The following ABCC4 variants were observed in gnomAD, a reference collection of about 807,000 sequenced individuals.
ABCC4 encodes the protein ATP binding cassette subfamily C member 4 (PEL blood group).
In ABCC4, 102 loss-of-function variants were observed where a neutral mutation model predicts 168.5. That is an observed-to-expected ratio of 0.61 (90% CI 0.52 to 0.71). ABCC4 has a LOEUF of 0.71. Among genes scored for constraint, ABCC4 ranks in the 30% least tolerant of loss-of-function variants. The pLI is 0.00. For missense variants in ABCC4, 1,402 were observed against 1,605.8 expected (o/e 0.87, Z 2.17); for synonymous variants, 617 against 590.7 (o/e 1.04, Z -0.65).
At chr13:95,251,429 CTCTT>C (rs2040257185) in intron 1 of ABCC4, among the ~76,000 whole-genome samples, 1 of 152,166 alleles carries the variant, frequency 6.6e-6, no homozygotes, top group African/African-American at 2.4e-5. Context: ...AGATTGTTCT[CTCTT>C]TAATGGACAA....
At chr13:95,058,070 G>A (rs758582482) in intron 26 of ABCC4, among the ~76,000 whole-genome samples, 7 of 152,274 alleles carry the variant, frequency 4.6e-5, no homozygotes, top group Non-Finnish European at 8.8e-5. Context: ...ACTAGCCCAC[G>A]ACACATAAGT....
intron 20 of ABCC4, among the ~76,000 whole-genome samples, chr13:95,106,770 A>C (rs2035021040): frequency 6.5e-5 from 1 of 15,492 alleles, no homozygotes; most frequent in Admixed American, 6.2e-4. Context: ...TTGTGAAATC[A>C]TGGCTGTTTG....
intron 4 of ABCC4, among the ~76,000 whole-genome samples, chr13:95,233,611 C>T (rs2039684541): frequency 6.6e-6 from 1 of 151,766 alleles, no homozygotes; most frequent in Non-Finnish European, 1.5e-5. Flanking sequence ...CACAATACAC[C>T]CATGGAAAAA....
chr13:95,115,131 T>C (rs1156413028), intron 20 of ABCC4, among the ~76,000 whole-genome samples: 6 of 151,648 alleles, frequency 4.0e-5, no homozygotes, highest in South Asian at 2.1e-4. Context: ...AATTAAACAA[T>C]AGGAAAAAAT....
chr13:95,132,266 A>C (rs1023202396), intron 19 of ABCC4, among the ~76,000 whole-genome samples: 8 of 152,026 alleles, frequency 5.3e-5, no homozygotes, highest in Non-Finnish European at 1.0e-4. Context: ...CCAAGACTGG[A>C]GTGTAGTGGC....
At chr13:95,153,469 G>C (rs1460030021) in intron 19 of ABCC4, among the ~76,000 whole-genome samples, 1 of 152,030 alleles carries the variant, frequency 6.6e-6, no homozygotes, top group Non-Finnish European at 1.5e-5. Flanking sequence ...TATCGAGAGA[G>C]ACAGAGAGAG....
At chr13:95,285,418 C>T (rs562928877) in intron 1 of ABCC4, among the ~76,000 whole-genome samples, 6 of 152,010 alleles carry the variant, frequency 3.9e-5, no homozygotes, top group African/African-American at 1.4e-4. Flanking sequence ...GGCATGGTGG[C>T]GGGTGCCTGT....
chr13:95,082,507 GA>G (rs1387535774), intron 21 of ABCC4, among the ~76,000 whole-genome samples: 1 of 152,150 alleles, frequency 6.6e-6, no homozygotes, highest in Non-Finnish European at 1.5e-5. Flanking sequence ...TAAACAGCCT[GA>G]GGGGGAAAAA....
intron 1 of ABCC4, among the ~76,000 whole-genome samples, chr13:95,273,394 C>T (rs2040891103): frequency 6.6e-6 from 1 of 152,170 alleles, no homozygotes; most frequent in Non-Finnish European, 1.5e-5. Flanking sequence ...TAGGCCATGG[C>T]TTCCTTTCTT....
rs1566384831 is a variant in ABCC4 at position 95,064,287 on chromosome 13, TATATATATATACAC to T, written c.3211-1442_3211-1429del. On this transcript the variant is annotated intron_variant, in intron 25 of 30. Coordinates refer to ENST00000645237, the MANE Select transcript of ABCC4 (RefSeq NM_005845.5). ...ATATATATATATATATATATATATATATATATATATACACACACACACACCAATTGAATTTCTGA... is the reference window on the plus strand; with the variant it reads ...ATATATATATATATATATATATATATACACACACACCAATTGAATTTCTGA... Among the ~76,000 whole-genome samples the T allele has an allele frequency of 2.0e-4, 25 of 122,340 alleles. 1 individual carries two copies. The East Asian group carries it at 5.7e-3, about 28-fold the overall frequency. 80.3% of individuals were successfully genotyped at this position (122,340 alleles called of 152,430 possible).
At chr13:95,228,193 C>T (rs1221416382) in intron 4 of ABCC4, among the ~76,000 whole-genome samples, 3 of 152,152 alleles carry the variant, frequency 2.0e-5, no homozygotes, top group Non-Finnish European at 4.4e-5. Context: ...TGAGAAAACC[C>T]AGAGGGAGAC....
chr13:95,260,886 G>A (rs1017341774), intron 1 of ABCC4, among the ~76,000 whole-genome samples: 1 of 151,410 alleles, frequency 6.6e-6, no homozygotes, highest in Admixed American at 6.6e-5. Flanking sequence ...TTTTATTCAA[G>A]CAAACTAGAT....
At chr13:95,179,353 G>C (rs1472092861) in intron 11 of ABCC4, among the ~76,000 whole-genome samples, 1 of 152,192 alleles carries the variant, frequency 6.6e-6, no homozygotes, top group African/African-American at 2.4e-5. Flanking sequence ...AAAGGGAAAG[G>C]AGCAGAGTGC....
intron 29 of ABCC4, among the ~76,000 whole-genome samples, chr13:95,040,289 T>G (rs961345134): frequency 6.6e-6 from 1 of 152,216 alleles, no homozygotes; most frequent in African/African-American, 2.4e-5. Context: ...TGGAGTGCAG[T>G]GGCGCGATCT....
intron 26 of ABCC4, among the ~76,000 whole-genome samples, 170 bp from the exon 27 acceptor site, chr13:95,053,354 C>A (rs2032920183): frequency 6.6e-6 from 1 of 152,188 alleles, no homozygotes; most frequent in Non-Finnish European, 1.5e-5. Context: ...TTCCACTGTA[C>A]AAAGCGTGCT....
chr13:95,262,933 C>G (rs987412398), intron 1 of ABCC4, among the ~76,000 whole-genome samples: 4 of 152,202 alleles, frequency 2.6e-5, no homozygotes, highest in Non-Finnish European at 4.4e-5. Context: ...CCACGCCCAG[C>G]TGACACTCTG....
chr13:95,083,015 C>T, intron 21 of ABCC4, 125 bp downstream of exon 21: 1 of 1,096,436 alleles, frequency 9.1e-7, no homozygotes, highest in Non-Finnish European at 1.3e-6. Context: ...CCAATACGTT[C>T]AATTACCTAA....
At chr13:95,085,585 C>T (rs1047267301) in intron 20 of ABCC4, among the ~76,000 whole-genome samples, 3 of 152,218 alleles carry the variant, frequency 2.0e-5, no homozygotes, top group African/African-American at 4.8e-5. Context: ...TAATCACTTG[C>T]GGGTCGCAAT....
chr13:95,238,110 A>C (rs9561816), intron 3 of ABCC4, among the ~76,000 whole-genome samples: 23,535 of 149,804 alleles, frequency 0.16, 2,125 homozygotes, highest in East Asian at 0.34. Context: ...CACAAGAATC[A>C]CTTGAACCCA....
Sources: gnomAD v4.1 joint callset for allele counts (sites outside exome capture counted in the v4.1 genomes callset) on GRCh38, gnomAD v4.1.1 for gene constraint, MANE v1.5 for transcripts, NCBI Gene and HGNC (gene_info 2026-07-23, HGNC 2026-07-21) for gene names.